SLC45A1: variants seen among roughly 807,000 people sequenced by gnomAD.
The protein encoded by SLC45A1 is solute carrier family 45 member 1.
SLC45A1 carries 28 observed loss-of-function variants against 57.6 expected under a neutral mutation model. That is an observed-to-expected ratio of 0.49 (90% confidence interval 0.36 to 0.67). SLC45A1 has a LOEUF of 0.67. Ranked by LOEUF, SLC45A1 falls within the 30% of genes least tolerant of loss-of-function variation. The pLI is 0.00. For synonymous variants in SLC45A1, 459 were observed against 471.5 expected, an observed-to-expected ratio of 0.97 and a Z score of 0.34; for missense variants, 814 against 1,041.5, an observed-to-expected ratio of 0.78 and a Z score of 3.01.
chr1:8,324,991 A>G (rs898821947), intron 2 of SLC45A1, among the ~76,000 whole-genome samples: 2 of 152,136 alleles, frequency 1.3e-5, no homozygotes, highest in Non-Finnish European at 2.9e-5. Flanking sequence ...GGAGGGTCCA[A>G]CTCATAACGC....
chr1:8,324,491 G>T lies in SLC45A1; in HGVS notation c.162G>T (p.Lys54Asn), dbSNP rs772279695. The T allele has an allele frequency of 1.2e-6, 2 of 1,612,530 alleles. No homozygotes were observed. Among genetic ancestry groups the T allele is most frequent in the Admixed American group, 3.3e-5 (2 of 59,994 alleles). Reference protein sequence around the residue: ...NNFKRHPKRRKCIRPSPPPPP... With the variant: ...NNFKRHPKRRNCIRPSPPPPP... ...TCAAACGACACCCCAAGAGGAGGAA[G>T]TGCATTCGTCCCTCCCCACCCCCGC... is the stretch of plus-strand genomic sequence containing the variant. Residue 54 changes from lysine (K) to asparagine (N), a missense_variant, in exon 2 of 9, where the codon AAG (lysine) becomes AAT (asparagine). Coordinates refer to ENST00000471889, the MANE Select transcript of SLC45A1 (RefSeq NM_001080397.3).
chr1:8,325,380 C>A lies in SLC45A1; in HGVS notation c.480C>A (p.Val160=). ...GAAGGAGACGCCCTTTCATTCTTGT[C>A]CTGGCTATAGGTCTGTTGTTTTGGC... The part of the protein sequence containing the change: ...RFGRRRPFIL[V]LAIGALLGLS... Residue 160 remains valine (V), a synonymous_variant, in exon 3 of 9, where the codon GTC becomes GTA. Coordinates refer to ENST00000471889, the MANE Select transcript of SLC45A1 (RefSeq NM_001080397.3). The surrounding 1 kb of genome is among the most constrained non-coding windows in gnomAD (Gnocchi z 6.3). 1 of 1,608,438 alleles carries A rather than the reference C, an allele frequency of 6.2e-7. No individual in the cohort carries two copies. The highest frequency in any genetic ancestry group is 8.5e-7 in the Non-Finnish European group (1 of 1,175,238).
At chr1:8,339,794 C>T (rs541574218) in intron 8 of SLC45A1, 96 bp downstream of exon 8, 399 of 1,191,980 alleles carry the variant, frequency 3.3e-4, no homozygotes, top group Middle Eastern at 1.6e-3. Flanking sequence ...CTGCAGAGCC[C>T]GGTGCAAAAT....
At chr1:8,318,482 C>T (rs1639892460) in intron 1 of SLC45A1, among the ~76,000 whole-genome samples, 1 of 152,250 alleles carries the variant, frequency 6.6e-6, no homozygotes, top group African/African-American at 2.4e-5. Context: ...CTGATGCGCT[C>T]CTTGAGCCGG....
intron 5 of SLC45A1, among the ~76,000 whole-genome samples, chr1:8,333,137 C>T (rs976275129): frequency 6.6e-6 from 1 of 152,042 alleles, no homozygotes; most frequent in Non-Finnish European, 1.5e-5. Context: ...TTCATTCTCC[C>T]GTCAGGGGTT....
At position 8,343,772 on chromosome 1, in the gene SLC45A1, C is replaced by G. The variant is rs746447996; in HGVS notation, c.2006C>G (p.Thr669Ser). The change falls in exon 9 of 9, where the codon ACC becomes AGC. Residue 669 changes from threonine (T) to serine (S), a missense_variant. Physicochemically the swap from Thr to Ser is moderately conservative, Grantham distance 58. Transcript: ENST00000471889. This position sits in a 1 kb window ranked among gnomAD's most constrained non-coding sequence, Gnocchi z 7.7. ...KKFAGSSADG[T>S]RRGMGVDISL... ...TTTGCAGGGTCCAGTGCGGACGGCA[C>G]CCGGCGGGGCATGGGCGTGGACATC... 6.2e-7 allele frequency: 1 copy of G among 1,613,606 alleles called. No individual in the cohort carries two copies. The highest frequency in any genetic ancestry group is 2.2e-5 in the East Asian group (1 of 44,858).
intron 1 of SLC45A1, among the ~76,000 whole-genome samples, chr1:8,320,571 G>A (rs1384640887): frequency 1.3e-5 from 2 of 152,046 alleles, no homozygotes; most frequent in Admixed American, 1.3e-4. Context: ...CTGAGCCCAG[G>A]GAGGTTGAGG....
Position 8,335,486 on chromosome 1 carries a change from G to A in SLC45A1, c.1493G>A (p.Gly498Asp). The change falls in exon 6 of 9, where the codon GGC becomes GAC. Residue 498 changes from glycine to aspartate, a missense_variant. Coordinates refer to ENST00000471889, the MANE Select transcript of SLC45A1 (RefSeq NM_001080397.3). The surrounding 1 kb of genome is among the most constrained non-coding windows in gnomAD (Gnocchi z 4.1). ...GTGAAGTATGAGAGCGAGCTGACGG[G>A]CTCCAGCGAGCGCGCGGAGCAGCCT... ...NGVKYESELT[G>D]SSERAEQPLS... The A allele has an allele frequency of 6.2e-7, 1 of 1,601,690 alleles. No individual in the cohort carries two copies. Among genetic ancestry groups the A allele is most frequent in the Non-Finnish European group, 8.5e-7 (1 of 1,179,534 alleles).
In SLC45A1 at chr1:8,335,420, T is replaced by C; in HGVS notation, c.1444-17T>C. The C allele has an allele frequency of 6.4e-7, 1 of 1,574,588 alleles. No individual in the cohort carries two copies. The highest frequency in any genetic ancestry group is 1.3e-5 in the African/African-American group (1 of 74,576). ...GGGGTGCGGGGCTCTGATGAGGGGT[T>C]TGTGGGCTCTTCCCAGGTGGCCAAT... On this transcript the variant is annotated splice_polypyrimidine_tract_variant and intron_variant, in intron 5 of 8. Coordinates refer to ENST00000471889, the MANE Select transcript of SLC45A1 (RefSeq NM_001080397.3). The surrounding 1 kb of genome is among the most constrained non-coding windows in gnomAD (Gnocchi z 4.1).
At chr1:8,320,037 A>G (rs1424785975) in intron 1 of SLC45A1, among the ~76,000 whole-genome samples, 1 of 152,156 alleles carries the variant, frequency 6.6e-6, no homozygotes, top group Non-Finnish European at 1.5e-5. Context: ...AGTTTCTAAA[A>G]TTCTTCTTAT....
intron 8 of SLC45A1, among the ~76,000 whole-genome samples, chr1:8,341,519 A>ATGTAAATAAATAAATAG (rs1197232557): frequency 1.4e-5 from 2 of 138,694 alleles, no homozygotes; most frequent in African/African-American, 5.4e-5. Flanking sequence ...TGGGCGACAG[A>ATGTAAATAAATAAATAG]GCGAGACTCC....
rs1240427972 is a variant in SLC45A1 at position 8,344,064 on chromosome 1, C to A, written c.*51C>A. 5.8e-6 allele frequency: 9 copies of A among 1,545,896 alleles called. No homozygotes were observed. The highest frequency in any genetic ancestry group is 7.9e-6 in the Non-Finnish European group (9 of 1,142,782). ...CGCGCCTGCACCTGGGGGTCTGGAG[C>A]AGGCCGACCAGTGAGGACCAAAGGG... On this transcript the variant is annotated 3_prime_UTR_variant, in exon 9 of 9. Transcript: ENST00000471889.
rs780310379 is a variant in SLC45A1 at position 8,325,424 on chromosome 1, G to C, written c.490+34G>C. On this transcript the variant is annotated intron_variant, in intron 3 of 8. Transcript: ENST00000471889. This position sits in a 1 kb window ranked among gnomAD's most constrained non-coding sequence, Gnocchi z 6.3. The stretch of plus-strand genomic sequence containing the variant: ...TTTTGGCATGGAAATAAAATGGAGA[G>C]GAAAAAAAAAAGGCCCCAACTGCTT... The C allele has an allele frequency of 6.9e-7, 1 of 1,456,160 alleles. No homozygotes were observed. The highest frequency in any genetic ancestry group is 9.5e-7 in the Non-Finnish European group (1 of 1,054,798). 90.2% of individuals were successfully genotyped at this position (1,456,160 alleles called of 1,614,324 possible).
chr1:8,340,293 A>G (rs946126564), intron 8 of SLC45A1, among the ~76,000 whole-genome samples: 7 of 151,450 alleles, frequency 4.6e-5, no homozygotes, highest in Non-Finnish European at 7.4e-5. Context: ...CTCCCGAGTA[A>G]CTGGGACTAC....
chr1:8,338,212 G>A (rs1030765628), intron 7 of SLC45A1, among the ~76,000 whole-genome samples: 4 of 152,190 alleles, frequency 2.6e-5, no homozygotes, highest in African/African-American at 4.8e-5. Context: ...GGTGGCCTAC[G>A]GGGGCACGGG....
chr1:8,329,991 G>A (rs1473496), intron 4 of SLC45A1: 302,830 of 582,212 alleles, frequency 0.52, 84,352 homozygotes, highest in East Asian at 0.79. Flanking sequence ...ACACCAGGAA[G>A]GGCCCTGCAG....
chr1:8,320,119 A>C (rs920075624), intron 1 of SLC45A1, among the ~76,000 whole-genome samples: 2 of 152,214 alleles, frequency 1.3e-5, no homozygotes, highest in Non-Finnish European at 2.9e-5. Context: ...CCCAGATTTG[A>C]AGATGAATCC....
At chr1:8,323,527 G>C (rs556158862) in intron 1 of SLC45A1, among the ~76,000 whole-genome samples, 1 of 151,768 alleles carries the variant, frequency 6.6e-6, no homozygotes, top group East Asian at 1.9e-4. Flanking sequence ...TTGAAGCTGG[G>C]GGGTGGGGAT....
rs756735893 is a variant in SLC45A1 at position 8,343,873 on chromosome 1, G to A, written c.2107G>A (p.Gly703Ser). The change falls in exon 9 of 9, where the codon GGC becomes AGC. Residue 703 changes from glycine to serine, a missense_variant. Coordinates refer to ENST00000471889, the MANE Select transcript of SLC45A1 (RefSeq NM_001080397.3). The surrounding 1 kb of genome is among the most constrained non-coding windows in gnomAD (Gnocchi z 7.7). ...CCTGGGGCCCCTGACCTCGGCCGTG[G>A]GCAGTGCCAACGGGGTGATGTACTT... is the stretch of plus-strand genomic sequence containing the variant. Reference protein sequence around the residue: ...LVLGPLTSAVGSANGVMYFSS... With the variant: ...LVLGPLTSAVSSANGVMYFSS... 2 of 1,614,174 alleles carry A rather than the reference G, an allele frequency of 1.2e-6. No individual in the cohort carries two copies. The highest frequency in any genetic ancestry group is 2.2e-5 in the East Asian group (1 of 44,872).
Sources: gnomAD v4.1 joint callset for allele counts (sites outside exome capture counted in the v4.1 genomes callset) on GRCh38, gnomAD v4.1.1 for gene constraint, Gnocchi (gnomAD v3.1) non-coding constraint, MANE v1.5 for transcripts, NCBI Gene and HGNC (gene_info 2026-07-23, HGNC 2026-07-21) for gene names.